Variants in ANKS1A observed in about 807,000 individuals in gnomAD.
ANKS1A encodes the protein ankyrin repeat and sterile alpha motif domain containing 1A, also known as ankyrin repeat and SAM domain-containing protein 1A.
ANKS1A carries 55 observed loss-of-function variants against 120.3 expected under a neutral mutation model. The observed-to-expected ratio is 0.46, with a 90% confidence interval of 0.37 to 0.57. The LOEUF (loss-of-function observed/expected upper bound fraction) is 0.57. ANKS1A is among the 20% of genes least tolerant of loss of function. The probability of loss-of-function intolerance (pLI) is 0.00; values close to 1 mark genes in which losing one functional copy is unlikely to be tolerated. For synonymous variants in ANKS1A, 590 were observed against 604.7 expected, an observed-to-expected ratio of 0.98 and a Z score of 0.36; for missense variants, 1,123 against 1,480.3, an observed-to-expected ratio of 0.76 and a Z score of 3.96.
At chr6:35,072,277 G>A (rs904289097) in intron 13 of ANKS1A, among the ~76,000 whole-genome samples, 9 of 152,214 alleles carry the variant, frequency 5.9e-5, no homozygotes, top group South Asian at 4.1e-4. Context: ...GACCCGGGCC[G>A]ACCCTTGTCA....
intron 1 of ANKS1A, among the ~76,000 whole-genome samples, chr6:34,940,458 G>A (rs1392607432): frequency 6.6e-6 from 1 of 152,052 alleles, no homozygotes; most frequent in African/African-American, 2.4e-5. Flanking sequence ...GAATTTGGAG[G>A]AAAAACAGAA....
At chr6:34,970,980 C>T (rs1401863129) in intron 3 of ANKS1A, among the ~76,000 whole-genome samples, 1 of 152,224 alleles carries the variant, frequency 6.6e-6, no homozygotes, top group Non-Finnish European at 1.5e-5. Context: ...TGCACTGCAG[C>T]CTGGGTGACA....
intron 11 of ANKS1A, among the ~76,000 whole-genome samples, chr6:35,030,320 T>A (rs1774842735): frequency 6.6e-6 from 1 of 152,198 alleles, no homozygotes; most frequent in South Asian, 2.1e-4. Flanking sequence ...TGTTTCCTTT[T>A]TTACCGTAAT....
chr6:34,893,789 G>T (rs1178375474), intron 1 of ANKS1A, among the ~76,000 whole-genome samples: 1 of 152,064 alleles, frequency 6.6e-6, no homozygotes, highest in Non-Finnish European at 1.5e-5. Flanking sequence ...ATTAACATAG[G>T]TGTATATAGC....
At position 35,090,917 on chromosome 6, in the gene ANKS1A, C is replaced by A; in HGVS notation, c.*2308C>A. 1.0e-6 allele frequency: 1 copy of A among 985,650 alleles called. No individual in the cohort carries two copies. The highest frequency in any genetic ancestry group is 1.2e-6 in the Non-Finnish European group (1 of 830,014). The allele number at this position is 985,650 out of a possible 1,614,324, so 61.1% of individuals were successfully genotyped here. A position where few individuals can be genotyped will look rare whatever the true frequency, so the allele number is the denominator to read the frequency against. Reference sequence around the variant, plus strand: ...CATAAGACCTTCCCGACAGGCTCTGCGTGTGCAGCTCTCTGCGTCCCTCCT... The same window carrying A: ...CATAAGACCTTCCCGACAGGCTCTGAGTGTGCAGCTCTCTGCGTCCCTCCT... On this transcript the variant is annotated 3_prime_UTR_variant, in exon 24 of 24. Transcript: ENST00000360359.
chr6:35,010,702 G>T (rs899953478), intron 10 of ANKS1A, among the ~76,000 whole-genome samples: 1 of 152,144 alleles, frequency 6.6e-6, no homozygotes. Flanking sequence ...TAGAAAAAGG[G>T]TTAGGCAGTT....
chr6:35,064,588 TG>T (rs1733949396), intron 13 of ANKS1A, among the ~76,000 whole-genome samples: 1 of 152,230 alleles, frequency 6.6e-6, no homozygotes, highest in African/African-American at 2.4e-5. Context: ...GCTCCCTTCC[TG>T]TTCCTGTCCC....
chr6:35,029,133 A>C (rs141321508), intron 11 of ANKS1A, among the ~76,000 whole-genome samples: 45 of 151,202 alleles, frequency 3.0e-4, no homozygotes, highest in African/African-American at 1.1e-3. Flanking sequence ...ACAAAACACT[A>C]CTTTCTATAT....
At chr6:34,986,362 A>T (rs759595608) in intron 8 of ANKS1A, among the ~76,000 whole-genome samples, 7 of 152,300 alleles carry the variant, frequency 4.6e-5, no homozygotes, top group Non-Finnish European at 7.4e-5. Context: ...GTAGGCCCGA[A>T]TCACTGGTCC....
chr6:35,030,645 C>T (rs1204874020), intron 11 of ANKS1A, among the ~76,000 whole-genome samples: 2 of 152,222 alleles, frequency 1.3e-5, no homozygotes, highest in Non-Finnish European at 2.9e-5. Context: ...TCCACCGTTA[C>T]GTCTATGAAA....
At chr6:34,994,117 T>C (rs1237332036) in intron 9 of ANKS1A, among the ~76,000 whole-genome samples, 185 bp from the exon 10 acceptor site, 1 of 152,144 alleles carries the variant, frequency 6.6e-6, no homozygotes, top group Non-Finnish European at 1.5e-5. Flanking sequence ...GCCTTTCAGA[T>C]TGGAGGTATG....
At chr6:34,928,283 AAGAG>A (rs546747047) in intron 1 of ANKS1A, among the ~76,000 whole-genome samples, 80 of 152,292 alleles carry the variant, frequency 5.3e-4, no homozygotes, top group Non-Finnish European at 9.3e-4. Context: ...ACAGTGGAAG[AAGAG>A]AGCAGCCTTT....
intron 11 of ANKS1A, among the ~76,000 whole-genome samples, chr6:35,043,131 G>C (rs1039743871): frequency 1.3e-5 from 2 of 152,234 alleles, no homozygotes; most frequent in African/African-American, 4.8e-5. Flanking sequence ...GTGACCCTCT[G>C]TCTCTGTGTA....
At chr6:35,088,553 C>G in intron 23 of ANKS1A, 53 bp from the exon 24 acceptor site, 1 of 1,607,128 alleles carries the variant, frequency 6.2e-7, no homozygotes, top group East Asian at 2.2e-5. Flanking sequence ...CTCCACCGTC[C>G]GCAGGCCCCA....
intron 1 of ANKS1A, among the ~76,000 whole-genome samples, chr6:34,930,083 A>G (rs1768910477): frequency 6.6e-6 from 1 of 152,180 alleles, no homozygotes; most frequent in Admixed American, 6.5e-5. Flanking sequence ...GTTTTACTAA[A>G]TAAAAGGTTT....
chr6:34,994,427 G>T lies in ANKS1A; in HGVS notation c.1423+5G>T. On this transcript the variant is annotated splice_donor_5th_base_variant and intron_variant, in intron 10 of 23. Coordinates refer to ENST00000360359, the MANE Select transcript of ANKS1A (RefSeq NM_015245.3). ...TGGTGGATGGAAAAACAAAAGGTAC[G>T]TTCCCCACAACTCCTGGCAGAACCA... 1 of 1,610,236 alleles carries T rather than the reference G, an allele frequency of 6.2e-7. No individual in the cohort carries two copies. The highest frequency in any genetic ancestry group is 8.5e-7 in the Non-Finnish European group (1 of 1,177,450).
chr6:34,970,208 G>A, intron 3 of ANKS1A, 42 bp downstream of exon 3: 2 of 1,573,116 alleles, frequency 1.3e-6, no homozygotes, highest in Non-Finnish European at 1.7e-6. Flanking sequence ...TTCAGCTATA[G>A]CCAGATGTGG....
At chr6:35,059,887 G>A (rs1776401856) in intron 12 of ANKS1A, among the ~76,000 whole-genome samples, 1 of 152,224 alleles carries the variant, frequency 6.6e-6, no homozygotes, top group African/African-American at 2.4e-5. Flanking sequence ...TGGCCCTGGA[G>A]CAGCTCAGAC....
intron 1 of ANKS1A, among the ~76,000 whole-genome samples, chr6:34,896,149 A>C (rs1767074243): frequency 6.6e-6 from 1 of 150,426 alleles, no homozygotes; most frequent in Non-Finnish European, 1.5e-5. Flanking sequence ...AGCTCACTGC[A>C]ACCTCTGCCT....
Sources: gnomAD v4.1 joint callset for allele counts (sites outside exome capture counted in the v4.1 genomes callset) on GRCh38, gnomAD v4.1.1 for gene constraint, MANE v1.5 for transcripts, NCBI Gene and HGNC (gene_info 2026-07-23, HGNC 2026-07-21) for gene names.